PRRC2C: variants seen among roughly 807,000 people sequenced by gnomAD.
PRRC2C encodes the protein proline rich coiled-coil 2C, also known as protein PRRC2C.
PRRC2C carries 72 observed loss-of-function variants against 317.2 expected under a neutral mutation model. The ratio of observed to expected loss-of-function variants is 0.23; its 90% CI spans 0.19 to 0.28. The LOEUF (loss-of-function observed/expected upper bound fraction) is 0.28, where lower values mean the gene tolerates loss of function less well. PRRC2C is among the 10% of genes least tolerant of loss of function. PRRC2C has a pLI of 1.00. For missense variants in PRRC2C, 3,074 were observed against 3,459.7 expected, an observed-to-expected ratio of 0.89 and a Z score of 2.80; for synonymous variants, 1,296 against 1,205.9, an observed-to-expected ratio of 1.07 and a Z score of -1.55.
At chr1:171,497,679 G>C (rs1393278356) in intron 1 of PRRC2C, among the ~76,000 whole-genome samples, 1 of 152,114 alleles carries the variant, frequency 6.6e-6, no homozygotes, top group Non-Finnish European at 1.5e-5. Flanking sequence ...ATGTTACCCA[G>C]ATTGGTCTTG....
At chr1:171,559,961 A>T (rs527624197) in intron 19 of PRRC2C, among the ~76,000 whole-genome samples, 2 of 152,324 alleles carry the variant, frequency 1.3e-5, no homozygotes, top group South Asian at 4.1e-4. Context: ...AGGAAGATTT[A>T]TGTTGTTTTC....
intron 10 of PRRC2C, 29 bp from the exon 11 acceptor site, chr1:171,527,762 T>G (rs1349380944): frequency 4.6e-6 from 7 of 1,531,244 alleles, no homozygotes; most frequent in Admixed American, 3.9e-5. Flanking sequence ...TCCAAAATAA[T>G]AAGAATAATT....
In PRRC2C at chr1:171,584,130, A is replaced by G. The variant is rs781469537; in HGVS notation, c.7584A>G (p.Gln2528=). 5.6e-6 allele frequency: 9 copies of G among 1,613,924 alleles called. No homozygotes were observed. In the African/African-American group the frequency reaches 8.0e-5, roughly 14 times the overall value. ...TQPIPILYEH[Q]LGQASGLGGS... is the part of the protein sequence containing the mutation. ...CCATTCCTATATTGTATGAACATCA[A>G]CTGGGGCAGGCATCAGGACTAGGAG... is the stretch of plus-strand genomic sequence containing the variant. Residue 2528 remains glutamine (Q), a synonymous_variant, in exon 29 of 35, where the codon CAA becomes CAG. Coordinates refer to ENST00000647382, the MANE Select transcript of PRRC2C (RefSeq NM_001387844.1).
intron 1 of PRRC2C, among the ~76,000 whole-genome samples, chr1:171,504,205 C>G (rs1342378137): frequency 6.6e-6 from 1 of 152,170 alleles, no homozygotes; most frequent in South Asian, 2.1e-4. Flanking sequence ...AAAGTTCTTT[C>G]TCAGATCTAT....
In PRRC2C at chr1:171,568,326, C is replaced by T; in HGVS notation, c.6638C>T (p.Thr2213Ile). Residue 2213 changes from threonine (T) to isoleucine (I), a missense_variant, in exon 23 of 35, where the codon ACT becomes ATT. Coordinates refer to ENST00000647382, the MANE Select transcript of PRRC2C (RefSeq NM_001387844.1). ...ACTAATAATACAAAGATGGAGGATA[C>T]TTTGGTTAATAATGTAAGTAATCAG... ...VATNNTKMED[T>I]LVNNVPLPNT... The T allele has an allele frequency of 6.2e-7, 1 of 1,601,916 alleles. No individual in the cohort carries two copies. Among genetic ancestry groups the T allele is most frequent in the Non-Finnish European group, 8.5e-7 (1 of 1,173,322 alleles).
chr1:171,506,876 A>G (rs1480363132), intron 1 of PRRC2C, among the ~76,000 whole-genome samples: 2 of 151,950 alleles, frequency 1.3e-5, no homozygotes, highest in South Asian at 2.1e-4. Context: ...TTTGTATTCA[A>G]TCTTTAGCTT....
intron 14 of PRRC2C, among the ~76,000 whole-genome samples, chr1:171,537,031 T>G (rs1676964968): frequency 6.6e-6 from 1 of 152,218 alleles, no homozygotes; most frequent in Non-Finnish European, 1.5e-5. Flanking sequence ...TGATTTTGCT[T>G]ATTTTGCTTC....
chr1:171,566,584 G>T lies in PRRC2C; in HGVS notation c.6307-8G>T. ...AAACATAGTTTTATCATAAACATTTGACTTTAGCTTCCAGATTTGAGTCCA... is the reference window on the plus strand; with the variant it reads ...AAACATAGTTTTATCATAAACATTTTACTTTAGCTTCCAGATTTGAGTCCA... On this transcript the variant is annotated splice_region_variant and splice_polypyrimidine_tract_variant and intron_variant, in intron 21 of 34. Transcript: ENST00000647382. The T allele has an allele frequency of 1.3e-6, 2 of 1,559,326 alleles. No individual in the cohort carries two copies. Among genetic ancestry groups the T allele is most frequent in the South Asian group, 2.4e-5 (2 of 82,794 alleles).
At chr1:171,559,347 A>G (rs1682104378) in intron 19 of PRRC2C, among the ~76,000 whole-genome samples, 1 of 152,096 alleles carries the variant, frequency 6.6e-6, no homozygotes, top group Admixed American at 6.6e-5. Flanking sequence ...GTTAGGGGCT[A>G]ATGTATCTGA....
rs1295723789 is a variant in PRRC2C, at chr1:171,592,182, AT to A, written c.*336del. The A allele has an allele frequency of 1.4e-5, 3 of 211,614 alleles. No homozygotes were observed. The East Asian group carries it at 3.3e-4, about 23-fold the overall frequency. The allele number at this position is 211,614 out of a possible 1,614,324, so 13.1% of individuals were successfully genotyped here. The stretch of plus-strand genomic sequence containing the variant: ...CTTATGATTAGATGAAACACCAAAA[AT>A]ATAAGGAAAATAACACAGCAGAGGA... On this transcript the variant is annotated 3_prime_UTR_variant, in exon 35 of 35. Coordinates refer to ENST00000647382, the MANE Select transcript of PRRC2C (RefSeq NM_001387844.1).
At chr1:171,502,610 A>G (rs943591077) in intron 1 of PRRC2C, among the ~76,000 whole-genome samples, 3 of 152,190 alleles carry the variant, frequency 2.0e-5, no homozygotes, top group Non-Finnish European at 2.9e-5. Context: ...TTTTCATAAC[A>G]TATCCTAATA....
At chr1:171,517,844 A>G in intron 6 of PRRC2C, 30 bp downstream of exon 6, 1 of 1,584,536 alleles carries the variant, frequency 6.3e-7, no homozygotes. Context: ...CAAGCATTCA[A>G]ACAAGTGGTT....
intron 23 of PRRC2C, 63 bp from the exon 24 acceptor site, chr1:171,571,257 T>C: frequency 1.0e-6 from 1 of 970,338 alleles, no homozygotes; most frequent in Non-Finnish European, 1.6e-6. Flanking sequence ...TAGCATTGTC[T>C]TTAATGGGGC....
intron 24 of PRRC2C, among the ~76,000 whole-genome samples, chr1:171,572,218 G>T (rs191093394): frequency 2.6e-5 from 4 of 152,044 alleles, no homozygotes; most frequent in African/African-American, 9.6e-5. Context: ...TTGAACTCTG[G>T]GCTCCAGCGA....
At chr1:171,533,060 TA>T (rs1676155645) in intron 12 of PRRC2C, 99 bp downstream of exon 12, 1 of 1,181,532 alleles carries the variant, frequency 8.5e-7, no homozygotes, top group Non-Finnish European at 1.1e-6. Flanking sequence ...GTAATCAATA[TA>T]AAAGTGATTG....
intron 1 of PRRC2C, among the ~76,000 whole-genome samples, chr1:171,506,728 A>G (rs1336676338): frequency 7.6e-6 from 1 of 131,166 alleles, no homozygotes; most frequent in African/African-American, 2.9e-5. Context: ...TTTTAATTGG[A>G]AAGGGGAGTT....
Position 171,537,358 on chromosome 1 carries a change from G to A in PRRC2C, c.2389G>A (p.Asp797Asn), listed in dbSNP as rs1360437367. The change falls in exon 15 of 35, where the codon GAT becomes AAT. Residue 797 changes from aspartate (D) to asparagine (N), a missense_variant. Asp to Asn is a conservative substitution (Grantham distance 23, BLOSUM62 1). Around this residue, in one of 11 missense-constraint regions of PRRC2C, gnomAD observed 1,320 missense variants for 1,395.7 expected, o/e 0.95. Transcript: ENST00000647382. ...TGAGCATATAGCTCGATCTGCAAGA[G>A]ATCACGCAATTTCCCTTTCTGAGCC... Reference protein sequence around the residue: ...SFEHIARSARDHAISLSEPRM... With the variant: ...SFEHIARSARNHAISLSEPRM... 6.3e-7 allele frequency: 1 copy of A among 1,593,778 alleles called. No individual in the cohort carries two copies. Among genetic ancestry groups the A allele is most frequent in the Non-Finnish European group, 8.6e-7 (1 of 1,169,306 alleles).
At chr1:171,586,101 C>T (rs1649884940) in intron 30 of PRRC2C, among the ~76,000 whole-genome samples, 2 of 99,622 alleles carry the variant, frequency 2.0e-5, no homozygotes, top group South Asian at 3.8e-4. Flanking sequence ...GAGTCTCCCT[C>T]ACCCAGGCTG....
chr1:171,577,477 A>G lies in PRRC2C; in HGVS notation c.6999A>G (p.Thr2333=), dbSNP rs1647284241. 3 of 1,613,078 alleles carry G rather than the reference A, an allele frequency of 1.9e-6. No homozygotes were observed. The highest frequency in any genetic ancestry group is 2.5e-6 in the Non-Finnish European group (3 of 1,179,206). ...YTTSSLSTKS[T]TTSDPPNICK... ...CCTCTTCTTTGAGCACAAAATCTAC[A>G]ACCACATCGGACCCTCCAAATATTT... The change falls in exon 26 of 35, where the codon ACA becomes ACG. Residue 2333 remains threonine (T), a synonymous_variant. Coordinates refer to ENST00000647382, the MANE Select transcript of PRRC2C (RefSeq NM_001387844.1).
Sources: gnomAD v4.1 joint callset for allele counts (sites outside exome capture counted in the v4.1 genomes callset) on GRCh38, gnomAD v4.1.1 for gene constraint, gnomAD v4.1.1 regional missense constraint, MANE v1.5 for transcripts, NCBI Gene and HGNC (gene_info 2026-07-23, HGNC 2026-07-21) for gene names.